The following ST6GALNAC5 variants were observed in gnomAD, a reference collection of about 807,000 sequenced individuals.
ST6GALNAC5 encodes ST6 N-acetylgalactosaminide alpha-2,6-sialyltransferase 5.
Under a neutral mutation model 33.6 loss-of-function variants are expected in ST6GALNAC5, and 27 were observed. The observed-to-expected ratio is 0.80, with a 90% CI of 0.59 to 1.11. The LOEUF (loss-of-function observed/expected upper bound fraction) is 1.11. Ranked by LOEUF, ST6GALNAC5 falls within the 50% of genes least tolerant of loss-of-function variation. ST6GALNAC5 has a pLI of 0.00. For missense variants in ST6GALNAC5, 428 were observed against 454.0 expected, an observed-to-expected ratio of 0.94 and a Z score of 0.52; for synonymous variants, 194 against 171.2, an observed-to-expected ratio of 1.13 and a Z score of -1.04.
At chr1:77,015,823 C>G (rs1263008812) in intron 2 of ST6GALNAC5, among the ~76,000 whole-genome samples, 1 of 152,168 alleles carries the variant, frequency 6.6e-6, no homozygotes, top group South Asian at 2.1e-4. Flanking sequence ...AGAGGCAAGA[C>G]AGGGCTTCAC....
chr1:76,872,118 C>A lies in ST6GALNAC5; in HGVS notation c.261+3376C>A, dbSNP rs1522625. Among the ~76,000 whole-genome samples, 3 of 126,964 alleles carry A rather than the reference C, an allele frequency of 2.4e-5. No homozygotes were observed. The South Asian group carries it at 7.3e-4, about 31-fold the overall frequency. 83.3% of individuals were successfully genotyped at this position (126,964 alleles called of 152,430 possible). A position where few individuals can be genotyped will look rare whatever the true frequency, so the allele number is the denominator to read the frequency against. Reference sequence around the variant, plus strand: ...ACACACACACACACACACACACACACCACACACATTAAATCAAGAAATACT... The same window carrying A: ...ACACACACACACACACACACACACAACACACACATTAAATCAAGAAATACT... On this transcript the variant is annotated intron_variant, in intron 2 of 4. Coordinates refer to ENST00000477717, the MANE Select transcript of ST6GALNAC5 (RefSeq NM_030965.3).
chr1:76,982,983 G>A (rs775318578), intron 2 of ST6GALNAC5, among the ~76,000 whole-genome samples: 34 of 151,938 alleles, frequency 2.2e-4, no homozygotes, highest in Non-Finnish European at 4.3e-4. Context: ...TCACCACCAG[G>A]CCTGCTTTAC....
rs570286366 is a variant in ST6GALNAC5, at chr1:77,019,279, T to C, written c.262-24925T>C. 5.9e-5 allele frequency among the ~76,000 whole-genome samples: 9 copies of C among 152,306 alleles called. No individual in the cohort carries two copies. In the East Asian group the frequency reaches 1.7e-3, roughly 29 times the overall value. ...ATGAAACAAAAAGGAGGCTCCCTTC[T>C]GCCAGCTGAGGGAAATTGCAGGGCA... On this transcript the variant is annotated intron_variant, in intron 2 of 4. Transcript: ENST00000477717.
At chr1:76,896,668 C>T (rs905518589) in intron 2 of ST6GALNAC5, among the ~76,000 whole-genome samples, 2 of 151,982 alleles carry the variant, frequency 1.3e-5, no homozygotes, top group African/African-American at 4.8e-5. Flanking sequence ...GATTGAAGTC[C>T]GGGCCAGGAA....
chr1:76,929,563 TG>T (rs1647118130), intron 2 of ST6GALNAC5, among the ~76,000 whole-genome samples: 1 of 152,026 alleles, frequency 6.6e-6, no homozygotes, highest in African/African-American at 2.4e-5. Flanking sequence ...AAACTGCATC[TG>T]GAGCTTTGCT....
chr1:77,039,386 G>A (rs1651761560), intron 2 of ST6GALNAC5, among the ~76,000 whole-genome samples: 1 of 152,214 alleles, frequency 6.6e-6, no homozygotes, highest in Non-Finnish European at 1.5e-5. Flanking sequence ...GGTCATTATG[G>A]TTCCCTGGGC....
In ST6GALNAC5 at chr1:76,868,538, C is replaced by T; in HGVS notation, c.57C>T (p.Cys19=). 1.2e-6 allele frequency: 2 copies of T among 1,613,220 alleles called. No homozygotes were observed. The highest frequency in any genetic ancestry group is 4.5e-5 in the East Asian group (2 of 44,824). ...LAVCLALTTM[C]TSLLLVYSSL... ...TGTGTTTAGCGCTCACCACCATGTG[C>T]ACCAGCTTGTTGCTAGTGTACAGCA... The change falls in exon 2 of 5, where the codon TGC becomes TGT. Residue 19 remains cysteine (C), a synonymous_variant. Transcript: ENST00000477717. The surrounding 1 kb of genome is among the most constrained non-coding windows in gnomAD (Gnocchi z 4.3).
intron 2 of ST6GALNAC5, among the ~76,000 whole-genome samples, chr1:76,982,300 A>ATTACT (rs1318858305): frequency 4.6e-5 from 7 of 152,246 alleles, no homozygotes; most frequent in African/African-American, 1.7e-4. Flanking sequence ...TAGAATAAAC[A>ATTACT]GTAAAGAGAA....
intron 2 of ST6GALNAC5, among the ~76,000 whole-genome samples, chr1:76,954,355 A>C (rs918514895): frequency 2.6e-5 from 4 of 152,104 alleles, no homozygotes; most frequent in Non-Finnish European, 5.9e-5. Flanking sequence ...ATGTGGGAGA[A>C]CAACCCACAC....
At chr1:77,050,736 C>T (rs1248857900) in intron 4 of ST6GALNAC5, among the ~76,000 whole-genome samples, 1 of 152,194 alleles carries the variant, frequency 6.6e-6, no homozygotes, top group Admixed American at 6.5e-5. Flanking sequence ...AGAGCAATTC[C>T]TTTGACAGTG....
chr1:77,008,181 C>T (rs977428348), intron 2 of ST6GALNAC5, among the ~76,000 whole-genome samples: 12 of 152,190 alleles, frequency 7.9e-5, no homozygotes, highest in Non-Finnish European at 1.6e-4. Context: ...CTGGGACTCT[C>T]TGCATGGGTT....
chr1:77,002,486 T>C (rs1391112420), intron 2 of ST6GALNAC5, among the ~76,000 whole-genome samples: 2 of 151,940 alleles, frequency 1.3e-5, no homozygotes, highest in African/African-American at 4.8e-5. Flanking sequence ...GTGTCTCTAT[T>C]TCCTTCAGTT....
At chr1:77,002,403 A>G (rs1218211662) in intron 2 of ST6GALNAC5, among the ~76,000 whole-genome samples, 1 of 151,994 alleles carries the variant, frequency 6.6e-6, no homozygotes, top group African/African-American at 2.4e-5. Flanking sequence ...TAGTCTTGAT[A>G]GCGGTCTGTA....
chr1:77,008,927 C>G (rs771660066), intron 2 of ST6GALNAC5, among the ~76,000 whole-genome samples: 7 of 152,226 alleles, frequency 4.6e-5, no homozygotes, highest in Non-Finnish European at 1.0e-4. Context: ...ATCTGAACTA[C>G]AGGGGAGTTA....
intron 2 of ST6GALNAC5, among the ~76,000 whole-genome samples, chr1:77,003,393 G>A (rs1331265201): frequency 4.0e-4 from 60 of 148,454 alleles, no homozygotes; most frequent in African/African-American, 8.6e-4. Flanking sequence ...GTCTCTGCAC[G>A]TGAGATGGGT....
chr1:77,004,208 T>G (rs1174030216), intron 2 of ST6GALNAC5, among the ~76,000 whole-genome samples: 5 of 151,236 alleles, frequency 3.3e-5, no homozygotes, highest in Non-Finnish European at 7.4e-5. Flanking sequence ...TTCTTTTTTC[T>G]CTAAACTTCC....
chr1:77,063,195 C>A lies in ST6GALNAC5; in HGVS notation c.1000C>A (p.Pro334Thr), dbSNP rs1289396709. The change falls in exon 5 of 5, where the codon CCT (proline) becomes ACT (threonine). Residue 334 changes from proline (P) to threonine (T), a missense_variant. By Grantham distance (38) the Pro-to-Thr change is conservative. Coordinates refer to ENST00000477717, the MANE Select transcript of ST6GALNAC5 (RefSeq NM_030965.3). ...SLAINHPENK[P>T]VF is the part of the protein sequence containing the mutation. ...TGCTATAAATCATCCTGAGAATAAA[C>A]CTGTGTTCTAAGGAATGAGCATGCC... 2.5e-6 allele frequency: 4 copies of A among 1,613,186 alleles called. No individual in the cohort carries two copies. The highest frequency in any genetic ancestry group is 3.4e-6 in the Non-Finnish European group (4 of 1,179,414).
intron 2 of ST6GALNAC5, among the ~76,000 whole-genome samples, chr1:77,018,859 C>G (rs1170738982): frequency 3.3e-5 from 5 of 152,142 alleles, no homozygotes; most frequent in Non-Finnish European, 5.9e-5. Flanking sequence ...TACTGAACTG[C>G]TAGGAGTTGC....
chr1:76,971,219 T>A (rs1416113393), intron 2 of ST6GALNAC5, among the ~76,000 whole-genome samples: 2 of 152,200 alleles, frequency 1.3e-5, no homozygotes, highest in African/African-American at 2.4e-5. Context: ...ATTAAATGTT[T>A]GCTAAATAGG....
Sources: allele counts gnomAD v4.1 joint callset (sites outside exome capture counted in the v4.1 genomes callset), GRCh38; gene constraint gnomAD v4.1.1; non-coding constraint Gnocchi (gnomAD v3.1); transcripts MANE v1.5; gene names NCBI Gene and HGNC (gene_info 2026-07-23, HGNC 2026-07-21).